The following HS6ST3 variants were observed in gnomAD, a reference collection of about 807,000 sequenced individuals.
HS6ST3 encodes the protein heparan sulfate 6-O-sulfotransferase 3.
Under a neutral mutation model 36.7 loss-of-function variants are expected in HS6ST3, and 12 were observed. The ratio of observed to expected loss-of-function variants is 0.33; its 90% CI spans 0.21 to 0.53. The LOEUF (loss-of-function observed/expected upper bound fraction) is 0.53. Ranked by LOEUF, HS6ST3 falls within the 20% of genes least tolerant of loss-of-function variation. The probability of loss-of-function intolerance (pLI) is 0.95; values close to 1 mark genes in which losing one functional copy is unlikely to be tolerated. For synonymous variants in HS6ST3, 240 were observed against 257.5 expected (o/e 0.93, Z 0.65); for missense variants, 584 against 640.9 (o/e 0.91, Z 0.96).
At position 96,397,461 on chromosome 13, in the gene HS6ST3, A is replaced by G. The variant is rs1029276223; in HGVS notation, c.707+305892A>G. Among the ~76,000 whole-genome samples, 13 of 152,324 alleles carry G rather than the reference A, an allele frequency of 8.5e-5. No individual in the cohort carries two copies. The East Asian group carries it at 1.9e-3, about 23-fold the overall frequency. ...CAAAGGTTAACTCAAACATCTCTTC[A>G]AGCATATAAATGCCCACTTCTTTGA... On this transcript the variant is annotated intron_variant, in intron 1 of 1. Coordinates refer to ENST00000376705, the MANE Select transcript of HS6ST3 (RefSeq NM_153456.4).
At chr13:96,222,946 G>C (rs910241446) in intron 1 of HS6ST3, among the ~76,000 whole-genome samples, 2 of 152,166 alleles carry the variant, frequency 1.3e-5, no homozygotes, top group African/African-American at 4.8e-5. Context: ...CTGGTAAAAG[G>C]TGTCAAGTTA....
At chr13:96,623,172 G>A (rs1594820745) in intron 1 of HS6ST3, among the ~76,000 whole-genome samples, 1 of 152,050 alleles carries the variant, frequency 6.6e-6, no homozygotes, top group African/African-American at 2.4e-5. Flanking sequence ...TAGGGTGGAG[G>A]TACAGGTGGA....
intron 1 of HS6ST3, among the ~76,000 whole-genome samples, chr13:96,111,941 G>A (rs1246689100): frequency 6.6e-6 from 1 of 152,058 alleles, no homozygotes; most frequent in African/African-American, 2.4e-5. Flanking sequence ...GAAATTACTA[G>A]TCCTTTTTTG....
rs542643439 is a variant in HS6ST3 at position 96,316,129 on chromosome 13, G to A, written c.707+224560G>A. Among the ~76,000 whole-genome samples the A allele has an allele frequency of 2.6e-5, 4 of 152,152 alleles. No individual in the cohort carries two copies. The South Asian group carries it at 6.2e-4, about 24-fold the overall frequency. ...CCAGTACTTGTGGACCACTATAGAC[G>A]TATAAGGTATAAGATTATATTTATA... On this transcript the variant is annotated intron_variant, in intron 1 of 1. Coordinates refer to ENST00000376705, the MANE Select transcript of HS6ST3 (RefSeq NM_153456.4).
chr13:96,104,732 T>C (rs1392881913), intron 1 of HS6ST3, among the ~76,000 whole-genome samples: 1 of 152,200 alleles, frequency 6.6e-6, no homozygotes, highest in African/African-American at 2.4e-5. Flanking sequence ...GCTTACCCTG[T>C]CTCACTGGTT....
At chr13:96,264,694 G>A (rs1340472067) in intron 1 of HS6ST3, among the ~76,000 whole-genome samples, 2 of 152,148 alleles carry the variant, frequency 1.3e-5, no homozygotes, top group East Asian at 3.9e-4. Flanking sequence ...GTGCAGGGAA[G>A]TGAACTCTGG....
intron 1 of HS6ST3, among the ~76,000 whole-genome samples, chr13:96,104,199 G>A (rs1240765788): frequency 6.6e-6 from 1 of 152,226 alleles, no homozygotes; most frequent in East Asian, 1.9e-4. Flanking sequence ...TACAAAGAAA[G>A]CACGAAGTTA....
intron 1 of HS6ST3, among the ~76,000 whole-genome samples, chr13:96,495,546 A>G (rs1239763141): frequency 6.6e-6 from 1 of 152,092 alleles, no homozygotes; most frequent in African/African-American, 2.4e-5. Flanking sequence ...TTTTTTGTTG[A>G]TGGCTTCTTT....
intron 1 of HS6ST3, among the ~76,000 whole-genome samples, chr13:96,208,594 T>C (rs1296280684): frequency 6.6e-6 from 1 of 152,228 alleles, no homozygotes; most frequent in East Asian, 1.9e-4. Context: ...AGGCCAACTA[T>C]TGTTAGAATT....
intron 1 of HS6ST3, among the ~76,000 whole-genome samples, chr13:96,380,261 G>C (rs999754586): frequency 9.2e-6 from 1 of 108,994 alleles, no homozygotes; most frequent in Admixed American, 1.0e-4. Flanking sequence ...TTTTAAGTTA[G>C]CACTTTTTTT....
chr13:96,298,510 G>A (rs928026213), intron 1 of HS6ST3, among the ~76,000 whole-genome samples: 3 of 152,162 alleles, frequency 2.0e-5, no homozygotes, highest in Non-Finnish European at 4.4e-5. Context: ...TCAGACACCC[G>A]GGTTTGTAAT....
chr13:96,334,321 TC>T (rs2055088527), intron 1 of HS6ST3, among the ~76,000 whole-genome samples: 3 of 152,096 alleles, frequency 2.0e-5, no homozygotes, highest in African/African-American at 7.2e-5. Context: ...TGGCACCTCT[TC>T]CCAACTCAAA....
At chr13:96,778,377 GT>G (rs796716684) in intron 1 of HS6ST3, among the ~76,000 whole-genome samples, 2 of 152,292 alleles carry the variant, frequency 1.3e-5, no homozygotes, top group African/African-American at 4.8e-5. Context: ...TATCATCAGA[GT>G]GAACAGGCAA....
intron 1 of HS6ST3, among the ~76,000 whole-genome samples, chr13:96,373,329 T>A (rs890267268): frequency 6.6e-6 from 1 of 152,186 alleles, no homozygotes; most frequent in African/African-American, 2.4e-5. Flanking sequence ...AAGGACCCTA[T>A]CTTCCTGAAA....
At position 96,673,816 on chromosome 13, in the gene HS6ST3, C is replaced by T. The variant is rs72643887; in HGVS notation, c.708-158674C>T. ...TTATGCCATCTCAATTCTTGTTTCA[C>T]GACCACAGTATTTTTTCATTTCTTA... On this transcript the variant is annotated intron_variant, in intron 1 of 1. Coordinates refer to ENST00000376705, the MANE Select transcript of HS6ST3 (RefSeq NM_153456.4). Among the ~76,000 whole-genome samples, 631 of 152,186 alleles carry T rather than the reference C, an allele frequency of 4.1e-3. 6 individuals carry two copies. The highest frequency in any genetic ancestry group is 7.2e-3 in the Admixed American group (110 of 15,276).
intron 1 of HS6ST3, among the ~76,000 whole-genome samples, chr13:96,444,347 T>C (rs149709167): frequency 1.2e-4 from 19 of 152,292 alleles, no homozygotes; most frequent in African/African-American, 3.6e-4. Context: ...CATGTAGGTT[T>C]TAAGGCACTA....
At chr13:96,670,806 C>A (rs2056680426) in intron 1 of HS6ST3, among the ~76,000 whole-genome samples, 1 of 152,158 alleles carries the variant, frequency 6.6e-6, no homozygotes, top group Non-Finnish European at 1.5e-5. Context: ...ACCAAATGGA[C>A]AATGACTGGC....
intron 1 of HS6ST3, among the ~76,000 whole-genome samples, chr13:96,468,672 C>T (rs1364166547): frequency 6.6e-6 from 1 of 152,180 alleles, no homozygotes; most frequent in Non-Finnish European, 1.5e-5. Flanking sequence ...ATGTTATCAT[C>T]ATAAACAACA....
intron 1 of HS6ST3, among the ~76,000 whole-genome samples, chr13:96,452,309 A>G (rs1245973007): frequency 6.6e-6 from 1 of 152,186 alleles, no homozygotes; most frequent in Non-Finnish European, 1.5e-5. Flanking sequence ...AACAAATGAC[A>G]CCACTGAGCA....
Sources: allele counts gnomAD v4.1 joint callset (sites outside exome capture counted in the v4.1 genomes callset), GRCh38; gene constraint gnomAD v4.1.1; transcripts MANE v1.5; gene names NCBI Gene and HGNC (gene_info 2026-07-23, HGNC 2026-07-21).